Variants in AGPAT2 observed in about 807,000 individuals in gnomAD.
AGPAT2 encodes 1-acylglycerol-3-phosphate O-acyltransferase 2.
A neutral mutation model predicts 26.1 loss-of-function variants in AGPAT2; 18 were observed. The ratio of observed to expected loss-of-function variants is 0.69; its 90% confidence interval spans 0.48 to 1.02. AGPAT2 has a LOEUF of 1.02. Ranked by LOEUF, AGPAT2 falls within the 50% of genes least tolerant of loss-of-function variation. The pLI, the probability that AGPAT2 is intolerant of heterozygous loss-of-function variation, is 0.00. For synonymous variants in AGPAT2, 200 were observed against 174.2 expected (o/e 1.15, Z -1.16); for missense variants, 415 against 394.9 (o/e 1.05, Z -0.43).
At chr9:136,683,057 G>A (rs1394177762) in intron 1 of AGPAT2, among the ~76,000 whole-genome samples, 1 of 134,382 alleles carries the variant, frequency 7.4e-6, no homozygotes, top group Non-Finnish European at 1.6e-5. Context: ...TGATGGGGAT[G>A]ACTAGGGGGT....
At chr9:136,676,938 CGA>C in intron 3 of AGPAT2, 21 bp downstream of exon 3, 3 of 1,610,334 alleles carry the variant, frequency 1.9e-6, no homozygotes, top group Admixed American at 1.7e-5. Context: ...CCAACCCCAC[CGA>C]GCCCGGCCCT....
chr9:136,673,851 G>A lies in AGPAT2; in HGVS notation c.738C>T (p.Asp246=), dbSNP rs1367483553. 1.2e-6 allele frequency: 2 copies of A among 1,605,778 alleles called. No individual in the cohort carries two copies. Among genetic ancestry groups the A allele is most frequent in the African/African-American group, 2.7e-5 (2 of 74,824 alleles). ...LTAADVPALV[D]TCHRAMRTTF... is the part of the protein sequence containing the mutation. Reference sequence around the variant, plus strand: ...TGGTCCTCATGGCCCGGTGGCAGGTGTCCACGAGCGCAGGGACGTCCGCCG... The same window carrying A: ...TGGTCCTCATGGCCCGGTGGCAGGTATCCACGAGCGCAGGGACGTCCGCCG... Residue 246 remains aspartate (D), a synonymous_variant, in exon 6 of 6, where the codon GAC becomes GAT. Coordinates refer to ENST00000371696, the MANE Select transcript of AGPAT2 (RefSeq NM_006412.4).
At position 136,673,886 on chromosome 9, in the gene AGPAT2, C is replaced by T. The variant is rs138232867; in HGVS notation, c.703G>A (p.Gly235Ser). The change falls in exon 6 of 6, where the codon GGC (glycine) becomes AGC (serine). Residue 235 changes from glycine (G) to serine (S), a missense_variant. Gly to Ser is a moderately conservative substitution (Grantham distance 56). Coordinates refer to ENST00000371696, the MANE Select transcript of AGPAT2 (RefSeq NM_006412.4). ...VQVLEAIPTS[G>S]LTAADVPALV... ...GCAGGGACGTCCGCCGCAGTGAGGC[C>T]GCTGGTGGGGATGGCTTCCAGCACC... The T allele has an allele frequency of 3.2e-5, 52 of 1,600,444 alleles. No homozygotes were observed. The highest frequency in any genetic ancestry group is 5.4e-5 in the African/African-American group (4 of 74,650).
rs1846160958 is a variant in AGPAT2 at position 136,681,534 on chromosome 9, G to A, written c.183-3978C>T. 1.3e-5 allele frequency among the ~76,000 whole-genome samples: 2 copies of A among 152,238 alleles called. 1 individual carries two copies. The highest frequency in any genetic ancestry group is 4.1e-4 in the South Asian group (2 of 4,832). On this transcript the variant is annotated intron_variant, in intron 1 of 5. Transcript: ENST00000371696. ...CAAGCGGTTCCTGGATGGGCGGGTG[G>A]CTCACGCCTGTAATCCCAGGACTTT... is the stretch of plus-strand genomic sequence containing the variant.
At chr9:136,681,427 A>T (rs7855356) in intron 1 of AGPAT2, among the ~76,000 whole-genome samples, 41,390 of 152,202 alleles carry the variant, frequency 0.27, 6,015 homozygotes, top group Admixed American at 0.41. Context: ...CAGCCACGTG[A>T]GGCCACCGCA....
rs376290226 is a variant in AGPAT2, at chr9:136,677,724, G to A, written c.183-168C>T. ...GAGCCCCTGAAGCGGACAGAGTCCC[G>A]GGCCCGGCTCACCCACCTGGACGGC... On this transcript the variant is annotated intron_variant, in intron 1 of 5. Transcript: ENST00000371696. 1.3e-3 allele frequency among the ~76,000 whole-genome samples: 203 copies of A among 152,246 alleles called. 1 individual carries two copies. Among genetic ancestry groups the A allele is most frequent in the African/African-American group, 4.6e-3 (193 of 41,526 alleles).
chr9:136,677,640 A>C, intron 1 of AGPAT2, 84 bp from the exon 2 acceptor site: 1 of 1,492,648 alleles, frequency 6.7e-7, no homozygotes, highest in Non-Finnish European at 9.2e-7. Flanking sequence ...TGGGGTGTGG[A>C]GGAGGCTGGG....
chr9:136,673,447 T>A lies in AGPAT2; in HGVS notation c.*305A>T, dbSNP rs1846036323. The A allele has an allele frequency of 3.5e-6, 1 of 282,508 alleles. No individual in the cohort carries two copies. The highest frequency in any genetic ancestry group is 2.2e-5 in the African/African-American group (1 of 45,814). 17.5% of individuals were successfully genotyped at this position (282,508 alleles called of 1,614,324 possible). On this transcript the variant is annotated 3_prime_UTR_variant, in exon 6 of 6. Transcript: ENST00000371696. ...TGCTCCTGGGCCATCGGGGGCCTTG[T>A]GGCTCAGCCCACCAGCGGGCCACAG...
intron 1 of AGPAT2, among the ~76,000 whole-genome samples, chr9:136,680,662 A>C (rs1478817786): frequency 6.6e-6 from 1 of 151,928 alleles, no homozygotes; most frequent in Non-Finnish European, 1.5e-5. Context: ...TTAAAAAATA[A>C]GATCTTCATT....
chr9:136,680,978 A>T (rs1846152772), intron 1 of AGPAT2, among the ~76,000 whole-genome samples: 1 of 151,994 alleles, frequency 6.6e-6, no homozygotes, highest in South Asian at 2.1e-4. Flanking sequence ...CTCTGTTTTG[A>T]TTGTGGTATA....
chr9:136,682,025 C>T (rs969786416), intron 1 of AGPAT2, among the ~76,000 whole-genome samples: 1 of 152,154 alleles, frequency 6.6e-6, no homozygotes, highest in South Asian at 2.1e-4. Context: ...ACGATCATAA[C>T]CCCCCTCTTC....
chr9:136,673,833 C>T lies in AGPAT2; in HGVS notation c.756G>A (p.Met252Ile), dbSNP rs1359921826. 4 of 1,606,486 alleles carry T rather than the reference C, an allele frequency of 2.5e-6. No individual in the cohort carries two copies. In the Admixed American group the frequency reaches 5.1e-5, roughly 20 times the overall value. The change falls in exon 6 of 6, where the codon ATG becomes ATA. Residue 252 changes from methionine (M) to isoleucine (I), a missense_variant. By Grantham distance (10) the Met-to-Ile change is conservative (BLOSUM62 1). Coordinates refer to ENST00000371696, the MANE Select transcript of AGPAT2 (RefSeq NM_006412.4). ...PALVDTCHRA[M>I]RTTFLHISKT... is the part of the protein sequence containing the mutation. ...TGGAGATGTGGAGGAAGGTGGTCCT[C>T]ATGGCCCGGTGGCAGGTGTCCACGA...
chr9:136,682,829 C>G (rs746608064), intron 1 of AGPAT2, among the ~76,000 whole-genome samples: 1 of 152,154 alleles, frequency 6.6e-6, no homozygotes, highest in East Asian at 1.9e-4. Context: ...CTCCTCAGAC[C>G]GCCTGAGCTC....
chr9:136,683,632 T>TG (rs1230400500), intron 1 of AGPAT2, among the ~76,000 whole-genome samples: 1 of 152,174 alleles, frequency 6.6e-6, no homozygotes, highest in African/African-American at 2.4e-5. Flanking sequence ...CACCCGGATG[T>TG]GGGGGGTCCC....
chr9:136,683,007 C>T (rs2119197118), intron 1 of AGPAT2, among the ~76,000 whole-genome samples: 1 of 150,106 alleles, frequency 6.7e-6, no homozygotes, highest in South Asian at 2.1e-4. Context: ...ACACCCGGGG[C>T]ACCATCGGGC....
In AGPAT2 at chr9:136,684,822, C is replaced by T. The variant is rs147110044; in HGVS notation, c.182+2354G>A. Among the ~76,000 whole-genome samples the T allele has an allele frequency of 9.4e-3, 1,427 of 152,254 alleles. 28 individuals carry two copies. The highest frequency in any genetic ancestry group is 0.033 in the African/African-American group (1,377 of 41,548). ...CCTTATTTGTAACACAGAGCACACG[C>T]GAATCCCTGTTCCTGAGGCTGGAGG... On this transcript the variant is annotated intron_variant, in intron 1 of 5. Coordinates refer to ENST00000371696, the MANE Select transcript of AGPAT2 (RefSeq NM_006412.4).
chr9:136,679,756 C>T (rs904344176), intron 1 of AGPAT2, among the ~76,000 whole-genome samples: 17 of 152,322 alleles, frequency 1.1e-4, no homozygotes, highest in Non-Finnish European at 1.2e-4. Flanking sequence ...ATTAAAACGC[C>T]TGATAACAGG....
chr9:136,676,612 G>A lies in AGPAT2; in HGVS notation c.561C>T (p.Gly187=), dbSNP rs756686507. Residue 187 remains glycine, a synonymous_variant, in exon 4 of 6, where the codon GGC becomes GGT. Transcript: ENST00000371696. ...GTGCCTGGACTGCCAGGTAGAAGGC[G>A]CCCTTCTTAAAAGGCAGCAGGTCCC... The part of the protein sequence containing the change: ...DNGDLLPFKK[G]AFYLAVQAQV... 1.9e-5 allele frequency: 31 copies of A among 1,613,312 alleles called. 2 individuals are homozygous for A. Among genetic ancestry groups the A allele is most frequent in the South Asian group, 1.4e-4 (13 of 91,078 alleles).
chr9:136,679,706 T>C (rs917416491), intron 1 of AGPAT2, among the ~76,000 whole-genome samples: 5 of 152,012 alleles, frequency 3.3e-5, no homozygotes, highest in African/African-American at 1.2e-4. Flanking sequence ...GAAGCGCAAA[T>C]GGAAACAAGA....
Sources: gnomAD v4.1 joint callset for allele counts (sites outside exome capture counted in the v4.1 genomes callset) on GRCh38, gnomAD v4.1.1 for gene constraint, MANE v1.5 for transcripts, NCBI Gene and HGNC (gene_info 2026-07-23, HGNC 2026-07-21) for gene names.